SLC6A11: variants seen among roughly 807,000 people sequenced by gnomAD.
SLC6A11 encodes the protein solute carrier family 6 member 11, also known as sodium- and chloride-dependent GABA transporter 3.
A neutral mutation model predicts 74.8 loss-of-function variants in SLC6A11; 25 were observed. The ratio of observed to expected loss-of-function variants is 0.33; its 90% CI spans 0.24 to 0.47. SLC6A11 has a LOEUF of 0.47. SLC6A11 is among the 20% of genes least tolerant of loss of function. SLC6A11 has a pLI of 1.00. For synonymous variants in SLC6A11, 330 were observed against 330.2 expected (o/e 1.00, Z 0.01); for missense variants, 574 against 837.0 (o/e 0.69, Z 3.88).
intron 8 of SLC6A11, among the ~76,000 whole-genome samples, chr3:10,925,548 G>T (rs941122639): frequency 2.0e-5 from 3 of 152,208 alleles, no homozygotes; most frequent in African/African-American, 7.2e-5. Context: ...ACCAGAGGAA[G>T]AGGCTGCCAG....
In SLC6A11 at chr3:10,844,357, G is replaced by T; in HGVS notation, c.756+11G>T. On this transcript the variant is annotated intron_variant, in intron 5 of 13. Coordinates refer to ENST00000254488, the MANE Select transcript of SLC6A11 (RefSeq NM_014229.3). ...AAGTCTACAGGAAAGGTAAGAGGTC[G>T]ATCTTCAAGCAGCTAACCGTGGCAG... 6.2e-7 allele frequency: 1 copy of T among 1,614,100 alleles called. No homozygotes were observed. The highest frequency in any genetic ancestry group is 8.5e-7 in the Non-Finnish European group (1 of 1,179,984).
chr3:10,933,904 T>A lies in SLC6A11; in HGVS notation c.1475-162T>A. The A allele has an allele frequency of 5.4e-6, 3 of 553,566 alleles. No homozygotes were observed. The South Asian group carries it at 7.3e-5, about 14-fold the overall frequency. The allele number at this position is 553,566 out of a possible 1,614,324, so 34.3% of individuals were successfully genotyped here. A position where few individuals can be genotyped will look rare whatever the true frequency, so the allele number is the denominator to read the frequency against. The stretch of plus-strand genomic sequence containing the variant: ...TCCTGCTGCTCTTTATTCTGAAACC[T>A]CACACATGTAACATCTCGGTCGTTG... On this transcript the variant is annotated intron_variant, in intron 11 of 13. Coordinates refer to ENST00000254488, the MANE Select transcript of SLC6A11 (RefSeq NM_014229.3).
chr3:10,838,868 A>T (rs983896916), intron 4 of SLC6A11, among the ~76,000 whole-genome samples: 2 of 152,178 alleles, frequency 1.3e-5, no homozygotes, highest in Admixed American at 1.3e-4. Flanking sequence ...ATGAAGCGAG[A>T]TGGGGGAGGG....
At chr3:10,844,171 G>A in intron 4 of SLC6A11, 43 bp from the exon 5 acceptor site, 1 of 1,612,560 alleles carries the variant, frequency 6.2e-7, no homozygotes. Context: ...GCTGAAAATG[G>A]GCCAGCCCCA....
chr3:10,936,540 G>A (rs1006414986), intron 13 of SLC6A11, among the ~76,000 whole-genome samples: 7 of 133,382 alleles, frequency 5.2e-5, no homozygotes, highest in African/African-American at 2.1e-4. Flanking sequence ...TGCCCACCGA[G>A]GGGCCTGGGC....
Position 10,844,356 on chromosome 3 carries a change from C to T in SLC6A11, c.756+10C>T, listed in dbSNP as rs767039516. On this transcript the variant is annotated intron_variant, in intron 5 of 13. Coordinates refer to ENST00000254488, the MANE Select transcript of SLC6A11 (RefSeq NM_014229.3). Reference sequence around the variant, plus strand: ...CAAGTCTACAGGAAAGGTAAGAGGTCGATCTTCAAGCAGCTAACCGTGGCA... The same window carrying T: ...CAAGTCTACAGGAAAGGTAAGAGGTTGATCTTCAAGCAGCTAACCGTGGCA... The T allele has an allele frequency of 9.3e-6, 15 of 1,613,922 alleles. No individual in the cohort carries two copies. The highest frequency in any genetic ancestry group is 6.7e-5 in the East Asian group (3 of 44,896).
At position 10,816,455 on chromosome 3, in the gene SLC6A11, G is replaced by A. The variant is rs773100706; in HGVS notation, c.190G>A (p.Ala64Thr). ...CAAGGTGGAGTTCGTGCTGAGCGTG[G>A]CCGGGGAGATCATTGGGCTGGGCAA... is the stretch of plus-strand genomic sequence containing the variant. Reference protein sequence around the residue: ...NNKVEFVLSVAGEIIGLGNVW... With the variant: ...NNKVEFVLSVTGEIIGLGNVW... The change falls in exon 1 of 14, where the codon GCC becomes ACC. Residue 64 changes from alanine to threonine, a missense_variant. Ala to Thr is a moderately conservative substitution (Grantham distance 58). Around this residue, in one of 4 missense-constraint regions of SLC6A11, gnomAD observed 215 missense variants for 357.9 expected, o/e 0.60. Transcript: ENST00000254488. The surrounding 1 kb of genome is among the most constrained non-coding windows in gnomAD (Gnocchi z 4.2). The A allele has an allele frequency of 1.2e-6, 2 of 1,604,892 alleles. No homozygotes were observed. Among genetic ancestry groups the A allele is most frequent in the Non-Finnish European group, 1.7e-6 (2 of 1,176,216 alleles).
At chr3:10,830,641 G>A (rs557684859) in intron 4 of SLC6A11, among the ~76,000 whole-genome samples, 1 of 152,304 alleles carries the variant, frequency 6.6e-6, no homozygotes, top group African/African-American at 2.4e-5. Flanking sequence ...ATGTCAGCAA[G>A]GGAACTGAGA....
intron 4 of SLC6A11, among the ~76,000 whole-genome samples, chr3:10,838,225 C>A (rs1694391846): frequency 6.6e-6 from 1 of 152,216 alleles, no homozygotes; most frequent in Admixed American, 6.5e-5. Context: ...CTGGGCAAAC[C>A]AGCCCTTGTG....
intron 4 of SLC6A11, among the ~76,000 whole-genome samples, chr3:10,829,293 C>T (rs1694260335): frequency 6.6e-6 from 1 of 152,110 alleles, no homozygotes; most frequent in Non-Finnish European, 1.5e-5. Flanking sequence ...AAGTGGGGTG[C>T]CTGTGTTAGT....
chr3:10,834,656 C>T lies in SLC6A11; in HGVS notation c.624-9558C>T, dbSNP rs117736080. On this transcript the variant is annotated intron_variant, in intron 4 of 13. Coordinates refer to ENST00000254488, the MANE Select transcript of SLC6A11 (RefSeq NM_014229.3). ...ACACACATCCCTTGCTTGTGCTTTGCGCTCTTCTCACTAAGGGGCAGATGG... is the reference window on the plus strand; with the variant it reads ...ACACACATCCCTTGCTTGTGCTTTGTGCTCTTCTCACTAAGGGGCAGATGG... 6.3e-3 allele frequency among the ~76,000 whole-genome samples: 963 copies of T among 152,240 alleles called. 46 individuals carry two copies. In the South Asian group the frequency reaches 0.099, roughly 16 times the overall value.
chr3:10,873,953 CTA>C lies in SLC6A11; in HGVS notation c.757-1006_757-1005del, dbSNP rs1694875007. On this transcript the variant is annotated intron_variant, in intron 5 of 13. Transcript: ENST00000254488. ...CTATGTTATGCTATGCTATCCTATGCTATGCTACGCTATGCTATGCTACGCTA... is the reference window on the plus strand; with the variant it reads ...CTATGTTATGCTATGCTATCCTATGCTGCTACGCTATGCTATGCTACGCTA... 2.7e-5 allele frequency among the ~76,000 whole-genome samples: 4 copies of C among 149,962 alleles called. 1 individual carries two copies. The South Asian group carries it at 8.4e-4, about 31-fold the overall frequency.
intron 6 of SLC6A11, among the ~76,000 whole-genome samples, chr3:10,905,114 T>C (rs1159885431): frequency 6.6e-6 from 1 of 152,220 alleles, no homozygotes; most frequent in African/African-American, 2.4e-5. Flanking sequence ...ATTTTGTTTG[T>C]CTGTGCTTGT....
intron 6 of SLC6A11, among the ~76,000 whole-genome samples, chr3:10,883,329 G>T (rs906036276): frequency 3.9e-5 from 6 of 152,104 alleles, no homozygotes; most frequent in Non-Finnish European, 5.9e-5. Flanking sequence ...GGAGCTGAGG[G>T]GATCTTGCAA....
chr3:10,929,391 C>T (rs1478709590), intron 10 of SLC6A11, 52 bp downstream of exon 10: 1 of 1,596,844 alleles, frequency 6.3e-7, no homozygotes. Context: ...GTGACGTCAA[C>T]TCCCAGCTCT....
At chr3:10,843,945 C>A (rs1248148626) in intron 4 of SLC6A11, among the ~76,000 whole-genome samples, 1 of 152,202 alleles carries the variant, frequency 6.6e-6, no homozygotes, top group East Asian at 1.9e-4. Flanking sequence ...CTGGGTGCAT[C>A]CTCCATCGGA....
chr3:10,828,718 T>C (rs1694250179), intron 4 of SLC6A11, among the ~76,000 whole-genome samples: 1 of 152,218 alleles, frequency 6.6e-6, no homozygotes, highest in African/African-American at 2.4e-5. Flanking sequence ...GTCAGTGTCA[T>C]ATGGGGAGCC....
intron 7 of SLC6A11, among the ~76,000 whole-genome samples, chr3:10,917,153 T>A (rs530078294): frequency 1.3e-5 from 2 of 152,142 alleles, no homozygotes; most frequent in South Asian, 2.1e-4. Context: ...AACAAAAAAC[T>A]CAAGGGGCTA....
rs1559591647 is a variant in SLC6A11 at position 10,940,432 on chromosome 3, C to A, written c.*2030C>A. On this transcript the variant is annotated 3_prime_UTR_variant, in exon 14 of 14. Coordinates refer to ENST00000254488, the MANE Select transcript of SLC6A11 (RefSeq NM_014229.3). ...GACTCACTTAACACTACTCATGGGG[C>A]AGGGCGGAGGGTGGATTGTTGCTTT... is the stretch of plus-strand genomic sequence containing the variant. 3 of 151,472 alleles carry A rather than the reference C, an allele frequency of 2.0e-5. No individual in the cohort carries two copies. The highest frequency in any genetic ancestry group is 7.3e-5 in the African/African-American group (3 of 41,132). The allele number at this position is 151,472 out of a possible 1,614,324, so 9.4% of individuals were successfully genotyped here. A position where few individuals can be genotyped will look rare whatever the true frequency, so the allele number is the denominator to read the frequency against.
Sources: allele counts gnomAD v4.1 joint callset (sites outside exome capture counted in the v4.1 genomes callset), GRCh38; gene constraint gnomAD v4.1.1; regional missense constraint gnomAD v4.1.1; non-coding constraint Gnocchi (gnomAD v3.1); transcripts MANE v1.5; gene names NCBI Gene and HGNC (gene_info 2026-07-23, HGNC 2026-07-21).